HTR4: variants seen among roughly 807,000 people sequenced by gnomAD.
HTR4 encodes 5-hydroxytryptamine (serotonin) receptor 4, G protein-coupled.
A neutral mutation model predicts 36.8 loss-of-function variants in HTR4; 16 were observed. That is an observed-to-expected ratio of 0.43 (90% CI 0.29 to 0.66). The LOEUF is 0.66. Ranked by LOEUF, HTR4 falls within the 30% of genes least tolerant of loss-of-function variation. The pLI, the probability that HTR4 is intolerant of heterozygous loss-of-function variation, is 0.13. For missense variants in HTR4, 438 were observed against 490.9 expected (o/e 0.89, Z 1.02); for synonymous variants, 189 against 185.1 (o/e 1.02, Z -0.17).
At chr5:148,577,263 T>C (rs1205731904) in intron 2 of HTR4, among the ~76,000 whole-genome samples, 2 of 152,020 alleles carry the variant, frequency 1.3e-5, no homozygotes, top group South Asian at 4.1e-4. Flanking sequence ...AAAACCACAA[T>C]GATATACTAT....
chr5:148,515,440 G>T (rs1039135608), intron 5 of HTR4, among the ~76,000 whole-genome samples: 1 of 152,064 alleles, frequency 6.6e-6, no homozygotes, highest in African/African-American at 2.4e-5. Flanking sequence ...ACTCTGTCCT[G>T]CATTATGGTG....
At chr5:148,550,333 A>C in intron 2 of HTR4, 71 bp from the exon 3 acceptor site, 1 of 1,572,936 alleles carries the variant, frequency 6.4e-7, no homozygotes, top group Non-Finnish European at 8.7e-7. Flanking sequence ...TCGTCTTTTC[A>C]TCATTGACCT....
In HTR4 at chr5:148,482,206, G is replaced by C; in HGVS notation, c.*997C>G. 1.0e-5 allele frequency: 10 copies of C among 985,508 alleles called. No homozygotes were observed. In the South Asian group the frequency reaches 4.2e-4, roughly 42 times the overall value. 61.0% of individuals were successfully genotyped at this position (985,508 alleles called of 1,614,324 possible). ...TCCTGCACCTTGGGGGAGCTGCAGG[G>C]GAAAATGAGTTTCCCCAGTGTGAAC... On this transcript the variant is annotated 3_prime_UTR_variant, in exon 7 of 7. Coordinates refer to ENST00000377888, the MANE Select transcript of HTR4 (RefSeq NM_000870.7).
chr5:148,508,235 TC>T (rs571210375), intron 6 of HTR4, among the ~76,000 whole-genome samples: 125 of 152,322 alleles, frequency 8.2e-4, no homozygotes, highest in Non-Finnish European at 1.3e-3. Context: ...AATGCTTGTT[TC>T]AAAGAAGGAA....
intron 5 of HTR4, among the ~76,000 whole-genome samples, chr5:148,513,643 A>G (rs562904629): frequency 6.2e-4 from 95 of 152,300 alleles, no homozygotes; most frequent in African/African-American, 2.3e-3. Context: ...AATTTAAATT[A>G]ATATCTCAAT....
intron 5 of HTR4, among the ~76,000 whole-genome samples, chr5:148,465,315 G>T (rs139098656): frequency 6.6e-6 from 1 of 152,244 alleles, no homozygotes; most frequent in Non-Finnish European, 1.5e-5. Context: ...CAATGGGGGA[G>T]GCTGTGCCTG....
intron 1 of HTR4, among the ~76,000 whole-genome samples, chr5:148,643,462 A>C (rs2127313849): frequency 6.6e-6 from 1 of 152,302 alleles, no homozygotes; most frequent in South Asian, 2.1e-4. Flanking sequence ...CCCCCAAAGA[A>C]TACAATGAGA....
intron 1 of HTR4, among the ~76,000 whole-genome samples, chr5:148,642,196 G>A (rs1260156709): frequency 6.6e-6 from 1 of 152,118 alleles, no homozygotes; most frequent in Non-Finnish European, 1.5e-5. Flanking sequence ...TATGTTAATA[G>A]CCAAATCAAG....
At chr5:148,513,863 G>A (rs967789008) in intron 5 of HTR4, among the ~76,000 whole-genome samples, 1 of 151,964 alleles carries the variant, frequency 6.6e-6, no homozygotes, top group Non-Finnish European at 1.5e-5. Context: ...AGTATTTTAT[G>A]CTTTTACTCT....
chr5:148,505,456 C>T (rs1757148233), intron 6 of HTR4, among the ~76,000 whole-genome samples: 1 of 152,146 alleles, frequency 6.6e-6, no homozygotes, highest in Non-Finnish European at 1.5e-5. Flanking sequence ...CCTTTGAAAA[C>T]TGGCACAAGA....
intron 2 of HTR4, among the ~76,000 whole-genome samples, chr5:148,572,267 T>A (rs1320709518): frequency 2.0e-5 from 3 of 152,070 alleles, no homozygotes; most frequent in Non-Finnish European, 4.4e-5. Flanking sequence ...TATCTGTTTT[T>A]TATGCATTGG....
intron 5 of HTR4, among the ~76,000 whole-genome samples, chr5:148,516,047 A>G (rs1241099337): frequency 6.6e-6 from 1 of 150,574 alleles, no homozygotes; most frequent in African/African-American, 2.4e-5. Context: ...CTGATATGAT[A>G]CATATATATA....
chr5:148,475,253 G>C (rs1755668158), downstream of HTR4, among the ~76,000 whole-genome samples: 1 of 152,178 alleles, frequency 6.6e-6, no homozygotes, highest in Non-Finnish European at 1.5e-5. Flanking sequence ...CTGAAGCTCA[G>C]AGAAATTAAT....
At chr5:148,473,585 T>C (rs1194441634), downstream of HTR4, among the ~76,000 whole-genome samples, 1 of 152,224 alleles carries the variant, frequency 6.6e-6, no homozygotes, top group Non-Finnish European at 1.5e-5. Context: ...GGCTTTCTGT[T>C]TTTTGTGACT....
intron 4 of HTR4, among the ~76,000 whole-genome samples, chr5:148,533,630 T>C (rs756946387): frequency 2.0e-4 from 30 of 152,184 alleles, no homozygotes; most frequent in Non-Finnish European, 3.8e-4. Flanking sequence ...ACTGTCAGAA[T>C]TGGAGGAGAT....
chr5:148,605,492 A>G (rs569072029), intron 2 of HTR4, among the ~76,000 whole-genome samples: 1 of 151,672 alleles, frequency 6.6e-6, no homozygotes, highest in South Asian at 2.1e-4. Context: ...TCCTGACCTC[A>G]GGTGATCCAC....
At chr5:148,488,375 G>A (rs62388963) in intron 6 of HTR4, among the ~76,000 whole-genome samples, 44,243 of 152,040 alleles carry the variant, frequency 0.29, 6,988 homozygotes, top group Non-Finnish European at 0.36. Context: ...CAGTGCAGGC[G>A]TCAGGCTCAA....
At chr5:148,537,599 A>T (rs1162362383) in intron 4 of HTR4, among the ~76,000 whole-genome samples, 1 of 152,154 alleles carries the variant, frequency 6.6e-6, no homozygotes, top group Non-Finnish European at 1.5e-5. Context: ...AGAAACTACT[A>T]TAAAGACCTC....
chr5:148,523,366 C>G lies in HTR4; in HGVS notation c.354-20G>C. 1 of 1,591,146 alleles carries G rather than the reference C, an allele frequency of 6.3e-7. No homozygotes were observed. Among genetic ancestry groups the G allele is most frequent in the Non-Finnish European group, 8.5e-7 (1 of 1,170,588 alleles). ...TAATACCTGGAGAGAGAATAGAGGG[C>G]AGAGCATAGGCATGGGCAAGGAGGA... is the stretch of plus-strand genomic sequence containing the variant. On this transcript the variant is annotated intron_variant, in intron 4 of 6. Coordinates refer to ENST00000377888, the MANE Select transcript of HTR4 (RefSeq NM_000870.7).
Sources: gnomAD v4.1 joint callset for allele counts (sites outside exome capture counted in the v4.1 genomes callset) on GRCh38, gnomAD v4.1.1 for gene constraint, MANE v1.5 for transcripts, NCBI Gene and HGNC (gene_info 2026-07-23, HGNC 2026-07-21) for gene names.